The following IL4I1 variants were observed in gnomAD, a reference collection of about 807,000 sequenced individuals.
The protein encoded by IL4I1 is L-amino-acid oxidase.
Under a neutral mutation model 29.7 loss-of-function variants are expected in IL4I1, and 24 were observed. That is an observed-to-expected ratio of 0.81 (90% CI 0.59 to 1.14). The LOEUF (loss-of-function observed/expected upper bound fraction) is 1.14. Among genes scored for constraint, IL4I1 ranks in the 50% most tolerant of loss-of-function variants. The pLI is 0.00. For synonymous variants in IL4I1, 371 were observed against 352.5 expected (o/e 1.05, Z -0.59); for missense variants, 686 against 785.6 (o/e 0.87, Z 1.52).
At chr19:49,918,914 T>TGGGG (rs1347873056) in intron 2 of IL4I1, among the ~76,000 whole-genome samples, 1 of 31,400 alleles carries the variant, frequency 3.2e-5, no homozygotes, top group Non-Finnish European at 6.5e-5. Context: ...GGGGGCGGGG[T>TGGGG]GTGGGGGGGC....
At chr19:49,904,534 GGAA>G (rs1332748749) in intron 2 of IL4I1, among the ~76,000 whole-genome samples, 1 of 152,036 alleles carries the variant, frequency 6.6e-6, no homozygotes, top group Non-Finnish European at 1.5e-5. Flanking sequence ...TTGGGGTATG[GGAA>G]GAAAATGCAG....
chr19:49,928,974 G>A (rs1010101572), intron 1 of IL4I1: 20 of 152,744 alleles, frequency 1.3e-4, no homozygotes, highest in African/African-American at 4.6e-4. Flanking sequence ...GAGCCACAAG[G>A]AGAGGGCTGG....
chr19:49,916,640 C>T lies in IL4I1; in HGVS notation c.-228+11054G>A, dbSNP rs541398824. Among the ~76,000 whole-genome samples, 365 of 151,624 alleles carry T rather than the reference C, an allele frequency of 2.4e-3. 3 individuals carry two copies. The highest frequency in any genetic ancestry group is 8.6e-3 in the African/African-American group (354 of 41,354). ...TTAGCCAGGCGTGGTGGTGGGTGCC[C>T]GTAGTCCCAGCTACTCGGGAGGCTG... is the stretch of plus-strand genomic sequence containing the variant. On this transcript the variant is annotated intron_variant, in intron 2 of 9. Coordinates refer to the IL4I1 transcript ENST00000341114.
At chr19:49,917,436 C>T (rs944355961) in intron 2 of IL4I1, among the ~76,000 whole-genome samples, 7 of 152,228 alleles carry the variant, frequency 4.6e-5, no homozygotes, top group Admixed American at 3.9e-4. Flanking sequence ...AATAACAGAT[C>T]AGCTCCAAGT....
chr19:49,908,533 G>A (rs917797148), intron 2 of IL4I1: 5 of 1,614,046 alleles, frequency 3.1e-6, no homozygotes, highest in Admixed American at 1.7e-5. Context: ...CCTCATCCGC[G>A]TGCTGCAGGT....
chr19:49,908,910 C>A, intron 2 of IL4I1: 1 of 1,607,834 alleles, frequency 6.2e-7, no homozygotes, highest in East Asian at 2.2e-5. Flanking sequence ...GGGATCCCGG[C>A]TGGCGCCAGT....
intron 2 of IL4I1, among the ~76,000 whole-genome samples, chr19:49,924,942 TCTC>T (rs773673972): frequency 2.0e-5 from 3 of 152,020 alleles, no homozygotes; most frequent in Non-Finnish European, 4.4e-5. Context: ...GCAATGCAAT[TCTC>T]CTACTGACCA....
intron 5 of IL4I1, among the ~76,000 whole-genome samples, chr19:49,891,698 TC>T (rs934589346): frequency 1.3e-5 from 2 of 152,110 alleles, no homozygotes; most frequent in Non-Finnish European, 2.9e-5. Flanking sequence ...ACGCCGCCCA[TC>T]CCCCCTCATT....
At chr19:49,892,370 C>T (rs1291390619) in intron 5 of IL4I1, among the ~76,000 whole-genome samples, 2 of 152,310 alleles carry the variant, frequency 1.3e-5, no homozygotes, top group East Asian at 3.9e-4. Context: ...GCGTGAGCCA[C>T]TGCGTGCCAG....
chr19:49,904,657 T>C (rs2075299660), intron 2 of IL4I1, among the ~76,000 whole-genome samples: 1 of 152,118 alleles, frequency 6.6e-6, no homozygotes, highest in Non-Finnish European at 1.5e-5. Context: ...CAAGTGATTC[T>C]CCTGAGTACC....
intron 7 of IL4I1, 52 bp downstream of exon 7, chr19:49,890,919 T>C: frequency 1.6e-6 from 2 of 1,224,522 alleles, no homozygotes; most frequent in African/African-American, 1.5e-5. Flanking sequence ...CCCTGCTACT[T>C]TCCCTGATTG....
chr19:49,900,652 G>A (rs2075263006), upstream of IL4I1, among the ~76,000 whole-genome samples: 1 of 152,134 alleles, frequency 6.6e-6, no homozygotes, highest in Admixed American at 6.6e-5. Context: ...TTAGGGATGA[G>A]GGTGGAATTA....
chr19:49,890,425 C>T lies in IL4I1; in HGVS notation c.949G>A (p.Val317Met), dbSNP rs1322171630. 1 of 1,610,378 alleles carries T rather than the reference C, an allele frequency of 6.2e-7. No homozygotes were observed. The highest frequency in any genetic ancestry group is 8.5e-7 in the Non-Finnish European group (1 of 1,179,432). Residue 317 changes from valine to methionine, a missense_variant, in exon 8 of 8, where the codon GTG (valine) becomes ATG (methionine). Physicochemically the swap from Val to Met is conservative, Grantham distance 21. Coordinates refer to ENST00000391826, the MANE Select transcript of IL4I1 (RefSeq NM_152899.2). ...ARNLKVLKAD[V>M]VLLTASGPAV... is the part of the protein sequence containing the mutation. ...GGTCCGCTCGCCGTCAGCAGCACCA[C>T]GTCGGCCTTCAGCACCTTCAGATTC...
In IL4I1 at chr19:49,896,134, C is replaced by A; in HGVS notation, c.13+14G>T. The A allele has an allele frequency of 6.4e-7, 1 of 1,559,038 alleles. No homozygotes were observed. The highest frequency in any genetic ancestry group is 8.7e-7 in the Non-Finnish European group (1 of 1,150,816). ...CTACTCACTTGTTCCAGAGCCCCTC[C>A]CCTGCTTACTCACCCAATGGGGCCA... is the stretch of plus-strand genomic sequence containing the variant. On this transcript the variant is annotated intron_variant, in intron 2 of 7. Coordinates refer to ENST00000391826, the MANE Select transcript of IL4I1 (RefSeq NM_152899.2).
chr19:49,908,729 G>C, intron 2 of IL4I1: 1 of 1,613,294 alleles, frequency 6.2e-7, no homozygotes. Flanking sequence ...GCGGTCCCAG[G>C]CGTTGACCTG....
intron 4 of IL4I1, among the ~76,000 whole-genome samples, chr19:49,894,835 G>C (rs2075184309): frequency 2.0e-5 from 3 of 151,946 alleles, no homozygotes; most frequent in African/African-American, 7.3e-5. Context: ...CACAGGAGCT[G>C]GCTTTTGCAC....
intron 7 of IL4I1, 133 bp from the exon 8 acceptor site, chr19:49,890,733 C>T: frequency 1.1e-6 from 1 of 886,388 alleles, no homozygotes; most frequent in Non-Finnish European, 1.7e-6. Flanking sequence ...CCTCTCCCGA[C>T]CCCGCCCGTC....
intron 5 of IL4I1, 22 bp downstream of exon 5, chr19:49,894,228 AGAGAAGTCAGGGCGGGAG>A: frequency 6.3e-7 from 1 of 1,586,352 alleles, no homozygotes; most frequent in Non-Finnish European, 8.6e-7. Context: ...GGAGGAGGAC[AGAGAAGTCAGGGCGGGAG>A]GAGGGTGCAG....
intron 5 of IL4I1, among the ~76,000 whole-genome samples, chr19:49,891,986 C>T (rs1289203686): frequency 1.3e-5 from 2 of 152,078 alleles, no homozygotes; most frequent in African/African-American, 4.8e-5. Context: ...CGTCCCCTGC[C>T]CACAGCCCTC....
Sources: gnomAD v4.1 joint callset for allele counts (sites outside exome capture counted in the v4.1 genomes callset) on GRCh38, gnomAD v4.1.1 for gene constraint, MANE v1.5 for transcripts, NCBI Gene and HGNC (gene_info 2026-07-23, HGNC 2026-07-21) for gene names.